MSI2: variants seen among roughly 807,000 people sequenced by gnomAD.
The protein encoded by MSI2 is RNA-binding protein Musashi homolog 2.
In MSI2, 17 loss-of-function variants were observed where a neutral mutation model predicts 45.6. That is an observed-to-expected ratio of 0.37 (90% CI 0.26 to 0.56). The LOEUF (loss-of-function observed/expected upper bound fraction) is 0.56. MSI2 is among the 20% of genes least tolerant of loss of function. The probability of loss-of-function intolerance (pLI) is 0.77; values close to 1 mark genes in which losing one functional copy is unlikely to be tolerated. For synonymous variants in MSI2, 156 were observed against 158.2 expected (o/e 0.99, Z 0.11); for missense variants, 293 against 444.2 (o/e 0.66, Z 3.06).
intron 5 of MSI2, among the ~76,000 whole-genome samples, chr17:57,304,336 G>A (rs1165884399): frequency 3.8e-5 from 5 of 130,930 alleles, no homozygotes; most frequent in Admixed American, 3.2e-4. Context: ...CAGCCTGGGC[G>A]ACAGAGTGAG....
intron 7 of MSI2, among the ~76,000 whole-genome samples, chr17:57,532,668 A>C (rs2144080593): frequency 6.6e-6 from 1 of 152,358 alleles, no homozygotes; most frequent in East Asian, 1.9e-4. Flanking sequence ...ATCCTCATGC[A>C]GCCACCTTGC....
intron 5 of MSI2, chr17:57,262,463 A>C: frequency 2.5e-6 from 1 of 396,412 alleles, no homozygotes; most frequent in Non-Finnish European, 4.5e-6. Context: ...TATTTTTTGC[A>C]AGGATTCTAT....
chr17:57,453,363 G>A (rs994052199), intron 6 of MSI2, among the ~76,000 whole-genome samples: 1 of 152,090 alleles, frequency 6.6e-6, no homozygotes, highest in Non-Finnish European at 1.5e-5. Context: ...TGATTTTCAG[G>A]GCATCTTGTG....
chr17:57,392,956 T>C (rs1366019340), intron 5 of MSI2, among the ~76,000 whole-genome samples: 1 of 152,196 alleles, frequency 6.6e-6, no homozygotes, highest in Non-Finnish European at 1.5e-5. Flanking sequence ...TTTTAGTATA[T>C]TCACAGATAT....
intron 7 of MSI2, among the ~76,000 whole-genome samples, chr17:57,595,484 G>A (rs1049596945): frequency 6.6e-6 from 1 of 152,086 alleles, no homozygotes; most frequent in Non-Finnish European, 1.5e-5. Flanking sequence ...CTGGAAGCTG[G>A]CAGTTAAGAG....
intron 5 of MSI2, among the ~76,000 whole-genome samples, chr17:57,359,853 C>A (rs934680817): frequency 6.6e-6 from 1 of 152,220 alleles, no homozygotes; most frequent in Non-Finnish European, 1.5e-5. Flanking sequence ...GCTGCCTTAG[C>A]CTGTCACCCA....
At chr17:57,656,750 C>T (rs1163078681) in intron 11 of MSI2, among the ~76,000 whole-genome samples, 4 of 152,118 alleles carry the variant, frequency 2.6e-5, no homozygotes, top group African/African-American at 9.7e-5. Context: ...AGGAACCACC[C>T]CTAGTTTCCT....
intron 5 of MSI2, among the ~76,000 whole-genome samples, chr17:57,350,626 C>T (rs1915956607): frequency 6.6e-6 from 1 of 152,150 alleles, no homozygotes; most frequent in Non-Finnish European, 1.5e-5. Context: ...GCTGTTTATG[C>T]TTCCCTGCCT....
At chr17:57,482,935 C>T (rs1364343469) in intron 6 of MSI2, among the ~76,000 whole-genome samples, 1 of 152,190 alleles carries the variant, frequency 6.6e-6, no homozygotes, top group Non-Finnish European at 1.5e-5. Flanking sequence ...AAAAAGGAAA[C>T]ATTTTCTGAG....
rs1908877034 is a variant in MSI2 at position 57,627,090 on chromosome 17, A to G, written c.653-139A>G. On this transcript the variant is annotated intron_variant, in intron 9 of 13. Coordinates refer to ENST00000284073, the MANE Select transcript of MSI2 (RefSeq NM_138962.4). The surrounding 1 kb of genome is among the most constrained non-coding windows in gnomAD (Gnocchi z 4.6). ...AGAGAGGTGACCCAGACCCTTAATAAAAAAACCCTCATGAGAGACAAATTA... is the reference window on the plus strand; with the variant it reads ...AGAGAGGTGACCCAGACCCTTAATAGAAAAACCCTCATGAGAGACAAATTA... The G allele has an allele frequency of 1.3e-6, 1 of 799,840 alleles. No homozygotes were observed. The allele number at this position is 799,840 out of a possible 1,614,324, so 49.5% of individuals were successfully genotyped here. A position where few individuals can be genotyped will look rare whatever the true frequency, so the allele number is the denominator to read the frequency against.
intron 4 of MSI2, among the ~76,000 whole-genome samples, chr17:57,259,285 C>G (rs1433006734): frequency 6.6e-6 from 1 of 152,146 alleles, no homozygotes; most frequent in African/African-American, 2.4e-5. Flanking sequence ...AACTTCACTC[C>G]TCTGTGATGG....
chr17:57,567,193 C>T (rs1418018271), intron 7 of MSI2, among the ~76,000 whole-genome samples: 3 of 152,104 alleles, frequency 2.0e-5, no homozygotes, highest in Non-Finnish European at 2.9e-5. Flanking sequence ...CCCGGAGTAT[C>T]GCAGGGAGTA....
At chr17:57,508,530 G>A (rs2086284951) in intron 6 of MSI2, among the ~76,000 whole-genome samples, 1 of 152,204 alleles carries the variant, frequency 6.6e-6, no homozygotes, top group African/African-American at 2.4e-5. Context: ...AAGATTTGAT[G>A]CTGGCTGGGA....
At chr17:57,379,902 G>A (rs920134470) in intron 5 of MSI2, among the ~76,000 whole-genome samples, 1 of 152,008 alleles carries the variant, frequency 6.6e-6, no homozygotes, top group African/African-American at 2.4e-5. Context: ...TTGTTTTTTG[G>A]CCTGGCCACT....
At chr17:57,590,618 T>C (rs959127347) in intron 7 of MSI2, among the ~76,000 whole-genome samples, 3 of 152,240 alleles carry the variant, frequency 2.0e-5, no homozygotes, top group Non-Finnish European at 4.4e-5. Context: ...ACTGCTACCC[T>C]ATTAATATCC....
chr17:57,458,054 T>G (rs909264565), intron 6 of MSI2, among the ~76,000 whole-genome samples: 6 of 151,772 alleles, frequency 4.0e-5, no homozygotes, highest in African/African-American at 1.5e-4. Context: ...TGCATATATA[T>G]AAGTACATAT....
chr17:57,436,146 C>T (rs539780482), intron 6 of MSI2, among the ~76,000 whole-genome samples: 2 of 152,122 alleles, frequency 1.3e-5, no homozygotes, highest in African/African-American at 4.8e-5. Flanking sequence ...GTAGTGGTTC[C>T]GAGCTTTGGA....
At chr17:57,496,214 G>A (rs1328762030) in intron 6 of MSI2, among the ~76,000 whole-genome samples, 5 of 152,126 alleles carry the variant, frequency 3.3e-5, no homozygotes, top group South Asian at 4.1e-4. Flanking sequence ...TCAATCACCC[G>A]GTGGATGCCA....
intron 6 of MSI2, among the ~76,000 whole-genome samples, chr17:57,441,114 G>T (rs2084792328): frequency 2.0e-5 from 3 of 152,298 alleles, no homozygotes; most frequent in South Asian, 4.1e-4. Context: ...CTAATGTGAG[G>T]ATGAAGTCTT....
Sources: allele counts gnomAD v4.1 joint callset (sites outside exome capture counted in the v4.1 genomes callset), GRCh38; gene constraint gnomAD v4.1.1; non-coding constraint Gnocchi (gnomAD v3.1); transcripts MANE v1.5; gene names NCBI Gene and HGNC (gene_info 2026-07-23, HGNC 2026-07-21).